Variants in EFCAB8 observed in about 807,000 individuals in gnomAD.
EFCAB8 encodes the protein EF-hand calcium-binding domain-containing protein 8.
Under a neutral mutation model 116.3 loss-of-function variants are expected in EFCAB8, and 100 were observed. The observed-to-expected ratio is 0.86, with a 90% confidence interval of 0.73 to 1.02. The LOEUF (loss-of-function observed/expected upper bound fraction) is 1.02, where lower values mean the gene tolerates loss of function less well. EFCAB8 is among the 50% of genes least tolerant of loss of function. The probability of loss-of-function intolerance (pLI) is 0.00; values close to 1 mark genes in which losing one functional copy is unlikely to be tolerated. For synonymous variants in EFCAB8, 558 were observed against 567.9 expected (o/e 0.98, Z 0.25); for missense variants, 1,320 against 1,416.9 (o/e 0.93, Z 1.10).
At chr20:32,871,439 A>C (rs1260203194) in intron 3 of EFCAB8, among the ~76,000 whole-genome samples, 1 of 151,790 alleles carries the variant, frequency 6.6e-6, no homozygotes, top group African/African-American at 2.4e-5. Flanking sequence ...ACATCCAGCT[A>C]ATTTTTTCAT....
At chr20:32,869,063 C>T (rs777052739) in intron 3 of EFCAB8, among the ~76,000 whole-genome samples, 3 of 152,166 alleles carry the variant, frequency 2.0e-5, no homozygotes, top group African/African-American at 4.8e-5. Context: ...CAAGCTCACT[C>T]AGGTTGTTGG....
rs1433097603 is a variant in EFCAB8, at chr20:32,961,669, A to G, written c.*60A>G. The G allele has an allele frequency of 6.7e-6, 7 of 1,047,970 alleles. No homozygotes were observed. The highest frequency in any genetic ancestry group is 6.5e-5 in the African/African-American group (4 of 61,378). 64.9% of individuals were successfully genotyped at this position (1,047,970 alleles called of 1,614,324 possible). A position where few individuals can be genotyped will look rare whatever the true frequency, so the allele number is the denominator to read the frequency against. Reference sequence around the variant, plus strand: ...GCAACCAGGCCCATGGCGGTCCTGCATGTTCTCGGCTTATTCCCTACCAGA... The same window carrying G: ...GCAACCAGGCCCATGGCGGTCCTGCGTGTTCTCGGCTTATTCCCTACCAGA... On this transcript the variant is annotated 3_prime_UTR_variant, in exon 27 of 27. Coordinates refer to ENST00000400522, the MANE Select transcript of EFCAB8 (RefSeq NM_001143967.2).
intron 11 of EFCAB8, among the ~76,000 whole-genome samples, chr20:32,901,521 C>T (rs116428875): frequency 0.01 from 1,498 of 146,082 alleles, 31 homozygotes; most frequent in African/African-American, 0.04. Context: ...GGGGTCACCT[C>T]ACCAGGGCCA....
chr20:32,893,388 C>G, intron 9 of EFCAB8, 90 bp downstream of exon 9: 1 of 1,507,208 alleles, frequency 6.6e-7, no homozygotes, highest in South Asian at 1.3e-5. Flanking sequence ...CCCCCCACTC[C>G]CTGCCTCTGC....
chr20:32,895,928 T>C lies in EFCAB8; in HGVS notation c.884-526T>C, dbSNP rs149649054. On this transcript the variant is annotated intron_variant, in intron 9 of 26. Coordinates refer to ENST00000400522, the MANE Select transcript of EFCAB8 (RefSeq NM_001143967.2). The stretch of plus-strand genomic sequence containing the variant: ...ACCTTCCCACCTGAGCCTCCTAAAG[T>C]GCTGGGATTACAGGTGTGAGCCACT... Among the ~76,000 whole-genome samples, 4 of 152,254 alleles carry C rather than the reference T, an allele frequency of 2.6e-5. No individual in the cohort carries two copies. The East Asian group carries it at 7.7e-4, about 29-fold the overall frequency.
chr20:32,866,581 A>C (rs1984413492), intron 2 of EFCAB8, among the ~76,000 whole-genome samples: 1 of 151,854 alleles, frequency 6.6e-6, no homozygotes, highest in Non-Finnish European at 1.5e-5. Flanking sequence ...GAGAACCCCC[A>C]GTGGAGGGGT....
At chr20:32,875,858 C>G (rs1351960426) in intron 3 of EFCAB8, 68 bp from the exon 4 acceptor site, 1 of 1,413,962 alleles carries the variant, frequency 7.1e-7, no homozygotes, top group African/African-American at 1.4e-5. Flanking sequence ...CACTTGAGAA[C>G]TCCGTGGCAG....
intron 22 of EFCAB8, among the ~76,000 whole-genome samples, chr20:32,932,446 T>C (rs1202385188): frequency 6.6e-6 from 1 of 152,158 alleles, no homozygotes; most frequent in African/African-American, 2.4e-5. Context: ...TCAATGAAAG[T>C]TTTAAAAAGT....
intron 3 of EFCAB8, among the ~76,000 whole-genome samples, chr20:32,870,506 T>G (rs1984632204): frequency 6.6e-6 from 1 of 152,334 alleles, no homozygotes; most frequent in Non-Finnish European, 1.5e-5. Context: ...TCTTTATTTT[T>G]AATTTTTTTA....
At chr20:32,947,489 A>G (rs1447120175) in intron 23 of EFCAB8, among the ~76,000 whole-genome samples, 1 of 152,242 alleles carries the variant, frequency 6.6e-6, no homozygotes, top group Non-Finnish European at 1.5e-5. Context: ...GATTTATGCC[A>G]TACAAAGTAT....
intron 15 of EFCAB8, among the ~76,000 whole-genome samples, chr20:32,910,367 C>T (rs1294751968): frequency 6.6e-6 from 1 of 152,152 alleles, no homozygotes; most frequent in Non-Finnish European, 1.5e-5. Flanking sequence ...AGGCAGCAGG[C>T]AGCACCTTGG....
At chr20:32,930,719 AC>A (rs1313460167) in intron 21 of EFCAB8, 103 bp downstream of exon 21, 7 of 1,122,346 alleles carry the variant, frequency 6.2e-6, no homozygotes, top group Non-Finnish European at 7.7e-6. Flanking sequence ...CTGTCTGGGT[AC>A]TGGTTCCATT....
At chr20:32,952,272 GA>G (rs375941211) in intron 23 of EFCAB8, among the ~76,000 whole-genome samples, 12 of 147,544 alleles carry the variant, frequency 8.1e-5, no homozygotes, top group South Asian at 2.2e-4. Flanking sequence ...CTCAAAAAAA[GA>G]AAAAAAAAAT....
At chr20:32,863,400 T>C (rs1207506063) in intron 1 of EFCAB8, among the ~76,000 whole-genome samples, 2 of 152,182 alleles carry the variant, frequency 1.3e-5, no homozygotes, top group Non-Finnish European at 2.9e-5. Flanking sequence ...CTCATTTTTC[T>C]AATCTGTTTA....
At position 32,875,010 on chromosome 20, in the gene EFCAB8, G is replaced by C. The variant is rs1984879739; in HGVS notation, c.209-916G>C. On this transcript the variant is annotated intron_variant, in intron 3 of 26. Coordinates refer to ENST00000400522, the MANE Select transcript of EFCAB8 (RefSeq NM_001143967.2). ...GTGATCTTCCCGCCTCTGCCTCCCA[G>C]AGTGCTGGGATTACAGGCGTGAGCC... Among the ~76,000 whole-genome samples, 2 of 151,718 alleles carry C rather than the reference G, an allele frequency of 1.3e-5. 1 individual carries two copies. Among genetic ancestry groups the C allele is most frequent in the South Asian group, 4.2e-4 (2 of 4,798 alleles).
At chr20:32,870,968 C>T (rs915650652) in intron 3 of EFCAB8, among the ~76,000 whole-genome samples, 3 of 152,000 alleles carry the variant, frequency 2.0e-5, no homozygotes, top group Non-Finnish European at 2.9e-5. Context: ...AAGTGATTCG[C>T]CTGTCTCAGC....
intron 22 of EFCAB8, among the ~76,000 whole-genome samples, chr20:32,935,192 C>CTTT (rs753039647): frequency 2.1e-3 from 73 of 34,034 alleles, no homozygotes; most frequent in East Asian, 4.4e-3. Context: ...TTCTTTCTTT[C>CTTT]TTTTTTTTTT....
rs912448346 is a variant in EFCAB8, at chr20:32,908,355, C to T, written c.1389C>T (p.Pro463=). Residue 463 remains proline (P), a synonymous_variant, in exon 14 of 27, where the codon CCC becomes CCT. Transcript: ENST00000400522. ...AGTTTTTTGCTCTGGGAAACTGCCC[C>T]ATCACCAGTGCCTACTTCTTCGAGA... ...CGKFFALGNC[P]ITSAYFFEKD... 5.6e-6 allele frequency: 7 copies of T among 1,249,882 alleles called. No individual in the cohort carries two copies. Among genetic ancestry groups the T allele is most frequent in the African/African-American group, 1.6e-5 (1 of 64,506 alleles). 77.4% of individuals were successfully genotyped at this position (1,249,882 alleles called of 1,614,324 possible). A position where few individuals can be genotyped will look rare whatever the true frequency, so the allele number is the denominator to read the frequency against.
In EFCAB8 at chr20:32,898,529, A is replaced by G; in HGVS notation, c.994A>G (p.Ile332Val). The part of the protein sequence containing the change: ...HPNWCEQVKF[I>V]PQMNVVVSCS... ...CAACTGGTGTGAGCAGGTCAAGTTC[A>G]TCCCCCAGATGAATGTGGTAGTCTC... Residue 332 changes from isoleucine (I) to valine (V), a missense_variant, in exon 11 of 27, where the codon ATC (isoleucine) becomes GTC (valine). Physicochemically the swap from Ile to Val is conservative, Grantham distance 29. Transcript: ENST00000400522. The G allele has an allele frequency of 1.4e-6, 1 of 718,610 alleles. No individual in the cohort carries two copies. Among genetic ancestry groups the G allele is most frequent in the South Asian group, 1.5e-5 (1 of 67,586 alleles). The allele number at this position is 718,610 out of a possible 1,614,324, so 44.5% of individuals were successfully genotyped here. A position where few individuals can be genotyped will look rare whatever the true frequency, so the allele number is the denominator to read the frequency against.
Sources: allele counts gnomAD v4.1 joint callset (sites outside exome capture counted in the v4.1 genomes callset), GRCh38; gene constraint gnomAD v4.1.1; transcripts MANE v1.5; gene names NCBI Gene and HGNC (gene_info 2026-07-23, HGNC 2026-07-21).